FRMPD1: variants seen among roughly 807,000 people sequenced by gnomAD.
The protein encoded by FRMPD1 is FERM and PDZ domain containing 1.
In FRMPD1, 76 loss-of-function variants were observed where a neutral mutation model predicts 117.8. That is an observed-to-expected ratio of 0.65 (90% CI 0.54 to 0.78). The LOEUF is 0.78. FRMPD1 is among the 30% of genes least tolerant of loss of function. The probability of loss-of-function intolerance (pLI) is 0.00; values close to 1 mark genes in which losing one functional copy is unlikely to be tolerated. For missense variants in FRMPD1, 1,786 were observed against 1,964.5 expected, an observed-to-expected ratio of 0.91 and a Z score of 1.72; for synonymous variants, 783 against 770.4, an observed-to-expected ratio of 1.02 and a Z score of -0.27.
chr9:37,649,144 A>T (rs1044182290), upstream of FRMPD1, among the ~76,000 whole-genome samples: 1 of 152,174 alleles, frequency 6.6e-6, no homozygotes, highest in Non-Finnish European at 1.5e-5. Flanking sequence ...ACAAGAGAAT[A>T]GTTCTTATCT....
intron 1 of FRMPD1, among the ~76,000 whole-genome samples, chr9:37,654,042 T>C (rs1010439741): frequency 4.6e-5 from 7 of 152,254 alleles, no homozygotes; most frequent in African/African-American, 1.7e-4. Context: ...TCTATGGTAC[T>C]GTCCTTCATT....
At chr9:37,733,323 G>A (rs1342324422) in intron 10 of FRMPD1, 150 bp from the exon 11 acceptor site, 1 of 723,730 alleles carries the variant, frequency 1.4e-6, no homozygotes, top group East Asian at 2.5e-5. Flanking sequence ...GTGTATGTGT[G>A]TGTGAGAAAG....
intron 6 of FRMPD1, among the ~76,000 whole-genome samples, chr9:37,720,400 C>T (rs977686864): frequency 2.0e-5 from 3 of 152,082 alleles, no homozygotes; most frequent in Non-Finnish European, 2.9e-5. Context: ...GGCGGTGGCT[C>T]ACGCCTGTAA....
chr9:37,615,691 G>A, the FRMPD1 span, among the ~76,000 whole-genome samples: 2 of 152,078 alleles, frequency 1.3e-5, no homozygotes, highest in Non-Finnish European at 2.9e-5. Flanking sequence ...CCAAGCCCCA[G>A]ATGGCTTAGA....
chr9:37,666,369 G>A (rs747765039), intron 1 of FRMPD1, among the ~76,000 whole-genome samples: 1 of 152,140 alleles, frequency 6.6e-6, no homozygotes, highest in Non-Finnish European at 1.5e-5. Flanking sequence ...AAGGCCTTTG[G>A]TGATCTGGCT....
At chr9:37,615,902 T>C in the FRMPD1 span, among the ~76,000 whole-genome samples, 1 of 151,718 alleles carries the variant, frequency 6.6e-6, no homozygotes, top group Non-Finnish European at 1.5e-5. Context: ...AACCTCCGTC[T>C]CCTGGATTCA....
Position 37,740,034 on chromosome 9 carries a change from A to C in FRMPD1, c.1550-44A>C. 3.3e-4 allele frequency: 434 copies of C among 1,307,934 alleles called. No homozygotes were observed. Among genetic ancestry groups the C allele is most frequent in the Non-Finnish European group, 4.2e-4 (394 of 934,794 alleles). 81.0% of individuals were successfully genotyped at this position (1,307,934 alleles called of 1,614,324 possible). On this transcript the variant is annotated intron_variant, in intron 14 of 15. Transcript: ENST00000377765. The surrounding 1 kb of genome is among the most constrained non-coding windows in gnomAD (Gnocchi z 4.2). ...CAGGGGGCTAGAAGGACACATAGGT[A>C]GGAGAATTCTGTTGTGTAACTGTTG...
chr9:37,720,664 A>G (rs897803801), intron 6 of FRMPD1, among the ~76,000 whole-genome samples: 2 of 151,096 alleles, frequency 1.3e-5, no homozygotes, highest in Non-Finnish European at 2.9e-5. Flanking sequence ...GCCAGACTCC[A>G]TCTCAAAAAA....
At chr9:37,652,375 G>A (rs1308954075) in intron 1 of FRMPD1, among the ~76,000 whole-genome samples, 1 of 152,208 alleles carries the variant, frequency 6.6e-6, no homozygotes. Flanking sequence ...GCACGAGGTA[G>A]TTAACTGTGA....
upstream of FRMPD1, among the ~76,000 whole-genome samples, chr9:37,647,789 T>C (rs1422851109): frequency 2.6e-5 from 4 of 152,156 alleles, no homozygotes; most frequent in Non-Finnish European, 5.9e-5. Context: ...GAAGAGTTCA[T>C]GGAGGACAAG....
chr9:37,610,356 C>T, the FRMPD1 span, among the ~76,000 whole-genome samples: 1 of 152,080 alleles, frequency 6.6e-6, no homozygotes, highest in Non-Finnish European at 1.5e-5. Context: ...GTGTCTAGCA[C>T]ATAAGAGACA....
chr9:37,645,325 C>T, the FRMPD1 span, among the ~76,000 whole-genome samples: 1 of 152,094 alleles, frequency 6.6e-6, no homozygotes, highest in African/African-American at 2.4e-5. Flanking sequence ...TATCTTATTG[C>T]CTTCCTCTGT....
the FRMPD1 span, among the ~76,000 whole-genome samples, chr9:37,641,988 G>C: frequency 6.6e-6 from 1 of 152,038 alleles, no homozygotes; most frequent in Non-Finnish European, 1.5e-5. Context: ...GAGCAGGCTT[G>C]ACCAAAATAA....
At chr9:37,619,759 GA>G in the FRMPD1 span, among the ~76,000 whole-genome samples, 1,221 of 116,378 alleles carry the variant, frequency 0.01, 12 homozygotes, top group African/African-American at 0.031. Flanking sequence ...CTCCAGCTCA[GA>G]AAAAAAAAAA....
the FRMPD1 span, among the ~76,000 whole-genome samples, chr9:37,635,949 C>T: frequency 2.6e-5 from 4 of 152,200 alleles, no homozygotes; most frequent in Admixed American, 1.3e-4. Context: ...GTGGGCCTTC[C>T]GCCTCCGCCT....
At chr9:37,645,301 C>A in the FRMPD1 span, among the ~76,000 whole-genome samples, 1 of 152,056 alleles carries the variant, frequency 6.6e-6, no homozygotes, top group African/African-American at 2.4e-5. Flanking sequence ...TAATCATTCC[C>A]AATTCTATAC....
the FRMPD1 span, among the ~76,000 whole-genome samples, chr9:37,640,993 T>A: frequency 6.6e-6 from 1 of 152,136 alleles, no homozygotes; most frequent in Admixed American, 6.5e-5. Context: ...GCTCAAGCCA[T>A]CCTCCCGCCT....
chr9:37,685,509 G>A (rs1352851133), intron 1 of FRMPD1, among the ~76,000 whole-genome samples: 6 of 151,984 alleles, frequency 3.9e-5, no homozygotes, highest in South Asian at 2.1e-4. Flanking sequence ...AAATTTAGCC[G>A]GGCGTGGTGG....
chr9:37,636,646 T>G, the FRMPD1 span: 1 of 1,373,526 alleles, frequency 7.3e-7, no homozygotes, highest in Non-Finnish European at 9.8e-7. Flanking sequence ...AGGGACATCA[T>G]TTGGAGAAGG....
Sources: allele counts gnomAD v4.1 joint callset (sites outside exome capture counted in the v4.1 genomes callset), GRCh38; gene constraint gnomAD v4.1.1; non-coding constraint Gnocchi (gnomAD v3.1); transcripts MANE v1.5; gene names NCBI Gene and HGNC (gene_info 2026-07-23, HGNC 2026-07-21).